PUDP: variants seen among roughly 807,000 people sequenced by gnomAD.
PUDP encodes the protein pseudouridine-5'-phosphatase.
Under a neutral mutation model 9.4 loss-of-function variants are expected in PUDP, and 8 were observed. That is an observed-to-expected ratio of 0.85 (90% CI 0.50 to 1.53). PUDP has a LOEUF of 1.53. Among genes scored for constraint, PUDP ranks in the 40% most tolerant of loss-of-function variants. The pLI is 0.00. For missense variants in PUDP, 188 were observed against 189.7 expected (o/e 0.99, Z 0.05); for synonymous variants, 99 against 80.7 (o/e 1.23, Z -1.22).
At chrX:6,854,332 G>GA (rs1295791784) in intron 3 of PUDP, among the ~76,000 whole-genome samples, 8 of 111,118 alleles carry the variant, frequency 7.2e-5, no homozygotes, top group East Asian at 2.8e-4. Flanking sequence ...CAGAAAAAAA[G>GA]AAAAAAAATC....
intron 3 of PUDP, among the ~76,000 whole-genome samples, chrX:6,728,261 G>A (rs1924767004): frequency 1.8e-5 from 2 of 111,232 alleles, no homozygotes; most frequent in African/African-American, 6.6e-5. Context: ...GGTGGCTCAA[G>A]TCTGTAGTTC....
intron 3 of PUDP, among the ~76,000 whole-genome samples, chrX:6,756,837 C>T (rs189357701): frequency 1.0e-3 from 113 of 111,376 alleles, no homozygotes; most frequent in African/African-American, 3.3e-3. Flanking sequence ...AGAAAATAAA[C>T]GAGAGAACAA....
intron 3 of PUDP, among the ~76,000 whole-genome samples, chrX:6,750,866 T>G (rs1387108094): frequency 1.8e-5 from 2 of 111,361 alleles, no homozygotes; most frequent in African/African-American, 3.3e-5. Flanking sequence ...GCGGCCGGGC[T>G]TGGTGGCTCA....
intron 2 of PUDP, among the ~76,000 whole-genome samples, chrX:6,977,894 A>G (rs1273393721): frequency 1.8e-5 from 2 of 112,479 alleles, no homozygotes; most frequent in Non-Finnish European, 3.8e-5. Flanking sequence ...CTTGCCAGGA[A>G]GATGTTCAAG....
At chrX:7,040,499 C>T (rs1411156953) in intron 1 of PUDP, among the ~76,000 whole-genome samples, 1 of 78,673 alleles carries the variant, frequency 1.3e-5, no homozygotes, top group Non-Finnish European at 2.4e-5. Flanking sequence ...ACACTGGACA[C>T]TCTTCCCTGG....
At chrX:6,930,722 A>T (rs989548549) in intron 3 of PUDP, among the ~76,000 whole-genome samples, 1 of 109,896 alleles carries the variant, frequency 9.1e-6, no homozygotes, top group East Asian at 2.9e-4. Context: ...TACTCTGCAG[A>T]CTCACCCCCA....
intron 2 of PUDP, among the ~76,000 whole-genome samples, chrX:6,977,466 G>C (rs1056251874): frequency 8.9e-6 from 1 of 112,258 alleles, no homozygotes; most frequent in African/African-American, 3.2e-5. Flanking sequence ...CTAGTTTAAA[G>C]AATAATCAAT....
intron 3 of PUDP, among the ~76,000 whole-genome samples, chrX:6,883,243 C>T (rs765314371): frequency 1.8e-5 from 2 of 111,236 alleles, no homozygotes; most frequent in Admixed American, 9.5e-5. Context: ...TAAATAAGGC[C>T]GGGTACAGTG....
intron 3 of PUDP, among the ~76,000 whole-genome samples, chrX:6,832,987 T>TAC (rs200319848): frequency 0.091 from 9,687 of 106,234 alleles, 578 homozygotes; most frequent in East Asian, 0.45. Context: ...CTCTCTGACA[T>TAC]ACACACACAC....
intron 1 of PUDP, among the ~76,000 whole-genome samples, chrX:7,032,085 AG>A (rs1162664027): frequency 1.8e-5 from 2 of 112,513 alleles, no homozygotes; most frequent in Non-Finnish European, 3.7e-5. Context: ...ACAAAAAATG[AG>A]CAAATTATTT....
chrX:7,139,589 T>C (rs1288314511), intron 1 of PUDP, among the ~76,000 whole-genome samples: 1 of 111,837 alleles, frequency 8.9e-6, no homozygotes, highest in Non-Finnish European at 1.9e-5. Context: ...TTGGCTTTTG[T>C]CTGAAGGCTC....
At chrX:6,763,154 C>T (rs1409413644) in intron 3 of PUDP, among the ~76,000 whole-genome samples, 2 of 111,995 alleles carry the variant, frequency 1.8e-5, no homozygotes, top group South Asian at 7.5e-4. Flanking sequence ...TTTGGGAGGC[C>T]GAGGTGGGTG....
At chrX:7,009,177 A>C (rs1324299155) in intron 1 of PUDP, among the ~76,000 whole-genome samples, 3 of 112,424 alleles carry the variant, frequency 2.7e-5, no homozygotes, top group Non-Finnish European at 3.8e-5. Flanking sequence ...ATGTTATGTA[A>C]ATGTTGGGCA....
At chrX:6,751,140 T>TA (rs1051395999) in intron 3 of PUDP, among the ~76,000 whole-genome samples, 3 of 90,139 alleles carry the variant, frequency 3.3e-5, no homozygotes, top group Non-Finnish European at 4.4e-5. Flanking sequence ...AGAATCCGTC[T>TA]AAAAAAAAGG....
Position 7,061,409 on chromosome X carries a change from C to G in PUDP, c.511-10937G>C, listed in dbSNP as rs755587738. On this transcript the variant is annotated intron_variant, in intron 3 of 3. Coordinates refer to ENST00000381077, the MANE Select transcript of PUDP (RefSeq NM_012080.5). ...CAAAGCCAATTTTTATACCTTGGGA[C>G]AAAATGCATGGACTATTCTATTCAA... is the stretch of plus-strand genomic sequence containing the variant. Among the ~76,000 whole-genome samples the G allele has an allele frequency of 2.4e-3, 270 of 111,371 alleles. 1 individual carries two copies. The highest frequency in any genetic ancestry group is 7.8e-3 in the African/African-American group (238 of 30,593).
intron 3 of PUDP, among the ~76,000 whole-genome samples, chrX:7,068,129 C>G (rs947412713): frequency 8.9e-6 from 1 of 111,764 alleles, no homozygotes; most frequent in Non-Finnish European, 1.9e-5. Flanking sequence ...CACACTATAG[C>G]TGGGAATGTA....
intron 1 of PUDP, among the ~76,000 whole-genome samples, chrX:7,140,613 A>C (rs1932785844): frequency 8.9e-6 from 1 of 111,993 alleles, no homozygotes; most frequent in Non-Finnish European, 1.9e-5. Context: ...AATCGCAAAG[A>C]TAAAAAGGAC....
intron 3 of PUDP, among the ~76,000 whole-genome samples, chrX:6,761,302 G>T (rs1240261567): frequency 2.7e-5 from 3 of 112,165 alleles, no homozygotes; most frequent in Non-Finnish European, 5.6e-5. Flanking sequence ...ACCCCGCATG[G>T]TTTTCATGAC....
intron 3 of PUDP, among the ~76,000 whole-genome samples, chrX:6,781,757 CAATA>C (rs1361968039): frequency 8.9e-6 from 1 of 112,289 alleles, no homozygotes; most frequent in Non-Finnish European, 1.9e-5. Context: ...CAATGCCTGG[CAATA>C]CTTTAGGACT....
Sources: gnomAD v4.1 joint callset for allele counts (sites outside exome capture counted in the v4.1 genomes callset) on GRCh38, gnomAD v4.1.1 for gene constraint, MANE v1.5 for transcripts, NCBI Gene and HGNC (gene_info 2026-07-23, HGNC 2026-07-21) for gene names.